Variants in MMP7 observed in about 807,000 individuals in gnomAD.
MMP7 encodes the protein matrix metallopeptidase 7.
Under a neutral mutation model 31.5 loss-of-function variants are expected in MMP7, and 26 were observed. That is an observed-to-expected ratio of 0.83 (90% confidence interval 0.61 to 1.15). MMP7 has a LOEUF of 1.15. MMP7 is among the 50% of genes most tolerant of loss of function. The pLI is 0.00. For synonymous variants in MMP7, 142 were observed against 124.2 expected (o/e 1.14, Z -0.95); for missense variants, 367 against 326.5 (o/e 1.12, Z -0.96).
At chr11:102,527,381 A>C (rs964888110) in intron 3 of MMP7, 143 bp downstream of exon 3, 15 of 1,024,056 alleles carry the variant, frequency 1.5e-5, no homozygotes, top group African/African-American at 3.3e-5. Context: ...AATTATAATA[A>C]TATTGCTAAA....
chr11:102,528,603 T>C (rs1276660884), intron 1 of MMP7, among the ~76,000 whole-genome samples: 3 of 152,212 alleles, frequency 2.0e-5, no homozygotes, highest in Non-Finnish European at 4.4e-5. Flanking sequence ...TAGGTCCTCT[T>C]TTCCCTCTTT....
chr11:102,520,524 T>G lies in MMP7; in HGVS notation c.*252A>C, dbSNP rs1314058887. ...AACTATAAATAAATTTACCATGGAA[T>G]AAACATTTTATTTATTTGTGTATGT... On this transcript the variant is annotated 3_prime_UTR_variant, in exon 6 of 6. Transcript: ENST00000260227. 2.8e-6 allele frequency: 1 copy of G among 362,734 alleles called. No individual in the cohort carries two copies. Among genetic ancestry groups the G allele is most frequent in the Non-Finnish European group, 5.0e-6 (1 of 199,632 alleles). The allele number at this position is 362,734 out of a possible 1,614,324, so 22.5% of individuals were successfully genotyped here.
intron 1 of MMP7, among the ~76,000 whole-genome samples, chr11:102,530,305 T>C (rs529460762): frequency 5.0e-4 from 76 of 152,230 alleles, no homozygotes; most frequent in Non-Finnish European, 9.3e-4. Flanking sequence ...ACCATTCTTA[T>C]CTCCAACTTC....
At chr11:102,527,327 C>T (rs1858682569) in intron 3 of MMP7, 197 bp downstream of exon 3, 1 of 644,738 alleles carries the variant, frequency 1.6e-6, no homozygotes, top group Non-Finnish European at 2.5e-6. Context: ...CATAGTTTGC[C>T]AACTGCTGCT....
At chr11:102,526,602 G>A (rs1222775954) in intron 3 of MMP7, among the ~76,000 whole-genome samples, 2 of 152,120 alleles carry the variant, frequency 1.3e-5, no homozygotes, top group Non-Finnish European at 2.9e-5. Flanking sequence ...CCACATGAAA[G>A]GCATTAGCAA....
intron 3 of MMP7, among the ~76,000 whole-genome samples, chr11:102,526,241 T>TATATATATA (rs59390667): frequency 2.5e-5 from 3 of 120,740 alleles, no homozygotes; most frequent in African/African-American, 9.5e-5. Context: ...TATATATATA[T>TATATATATA]TTTTTTTTTT....
At position 102,527,941 on chromosome 11, in the gene MMP7, T is replaced by G. The variant is rs61753777; in HGVS notation, c.151A>C (p.Asn51His). 1,999 of 1,614,062 alleles carry G rather than the reference T, an allele frequency of 1.2e-3. 25 individuals are homozygous for G. In the African/African-American group the frequency reaches 0.023, roughly 19 times the overall value. ...AGTTTGGCTTCTAAACTGTTGGCAT[T>G]TTTTGTTTCTGAGTCATAGAGATAA... ...RFYLYDSETK[N>H]ANSLEAKLKE... Residue 51 changes from asparagine (N) to histidine (H), a missense_variant, in exon 2 of 6, where the codon AAT becomes CAT. By Grantham distance (68) the Asn-to-His change is moderately conservative (BLOSUM62 1). Coordinates refer to ENST00000260227, the MANE Select transcript of MMP7 (RefSeq NM_002423.5).
rs1445890461 is a variant in MMP7 at position 102,523,252 on chromosome 11, G to T, written c.763C>A (p.Gln255Lys). The T allele has an allele frequency of 6.2e-7, 1 of 1,602,934 alleles. No individual in the cohort carries two copies. The highest frequency in any genetic ancestry group is 1.7e-5 in the Admixed American group (1 of 58,952). Residue 255 changes from glutamine (Q) to lysine (K), a missense_variant, in exon 5 of 6, where the codon CAG becomes AAG. Gln to Lys is a moderately conservative substitution (Grantham distance 53). Coordinates refer to ENST00000260227, the MANE Select transcript of MMP7 (RefSeq NM_002423.5). ...TAATAAATATTACCATATAGTTTCT[G>T]AATGCCTTTAATATCATCCTGGGAA... ...KLSQDDIKGIQKLYGKRSNSR... is the reference protein window; with the variant it reads ...KLSQDDIKGIKKLYGKRSNSR...
At chr11:102,526,440 T>C (rs754368565) in intron 3 of MMP7, among the ~76,000 whole-genome samples, 1 of 152,062 alleles carries the variant, frequency 6.6e-6, no homozygotes, top group South Asian at 2.1e-4. Context: ...TTTCACCCTA[T>C]TGGCCAGGCT....
intron 3 of MMP7, 162 bp downstream of exon 3, chr11:102,527,362 G>A (rs1250268408): frequency 1.1e-6 from 1 of 922,392 alleles, no homozygotes; most frequent in African/African-American, 1.7e-5. Context: ...TATATTACCA[G>A]ATTATAAAAA....
At position 102,523,267 on chromosome 11, in the gene MMP7, C is replaced by A. The variant is rs753277098; in HGVS notation, c.748G>T (p.Asp250Tyr). ...TATAGTTTCTGAATGCCTTTAATATCATCCTGGGAAAGTTTAAAATTTTGG... is the reference window on the plus strand; with the variant it reads ...TATAGTTTCTGAATGCCTTTAATATAATCCTGGGAAAGTTTAAAATTTTGG... ...DPQNFKLSQD[D>Y]IKGIQKLYGK... is the part of the protein sequence containing the mutation. The change falls in exon 5 of 6, where the codon GAT (aspartate) becomes TAT (tyrosine). Residue 250 changes from aspartate (D) to tyrosine (Y), a missense_variant. Coordinates refer to ENST00000260227, the MANE Select transcript of MMP7 (RefSeq NM_002423.5). 6.2e-7 allele frequency: 1 copy of A among 1,609,406 alleles called. No individual in the cohort carries two copies. Among genetic ancestry groups the A allele is most frequent in the South Asian group, 1.1e-5 (1 of 90,512 alleles).
intron 3 of MMP7, chr11:102,526,911 C>T (rs1858678620): frequency 6.5e-6 from 1 of 152,736 alleles, no homozygotes; most frequent in Admixed American, 6.5e-5. Context: ...CAGTTGCCTA[C>T]CGTATTCAGT....
chr11:102,527,721 A>G, intron 2 of MMP7, 36 bp downstream of exon 2: 2 of 1,613,666 alleles, frequency 1.2e-6, no homozygotes, highest in Non-Finnish European at 8.5e-7. Context: ...AACAGGCTTT[A>G]TTGTTTTTGC....
At chr11:102,527,448 A>G (rs774944159) in intron 3 of MMP7, 76 bp downstream of exon 3, 16 of 1,546,944 alleles carry the variant, frequency 1.0e-5, no homozygotes, top group African/African-American at 1.4e-5. Flanking sequence ...TTTAATCTTC[A>G]TAAGAAAAGA....
chr11:102,528,829 CA>C (rs1170646185), intron 1 of MMP7, among the ~76,000 whole-genome samples: 1 of 152,192 alleles, frequency 6.6e-6, no homozygotes, highest in Non-Finnish European at 1.5e-5. Flanking sequence ...ACAACAATAG[CA>C]ACCTCACAGG....
intron 1 of MMP7, 36 bp from the exon 2 acceptor site, chr11:102,528,019 T>C (rs1242036436): frequency 6.9e-7 from 1 of 1,455,366 alleles, no homozygotes; most frequent in Non-Finnish European, 9.5e-7. Flanking sequence ...ATAGTTCTTG[T>C]TTATTATATT....
chr11:102,522,331 G>A (rs1858622552), intron 5 of MMP7, among the ~76,000 whole-genome samples: 1 of 152,204 alleles, frequency 6.6e-6, no homozygotes, highest in African/African-American at 2.4e-5. Context: ...AGAATCTTAA[G>A]TGATCTTTTT....
chr11:102,525,187 G>T lies in MMP7; in HGVS notation c.485-123C>A, dbSNP rs1297528022. The T allele has an allele frequency of 9.7e-6, 12 of 1,236,212 alleles. No individual in the cohort carries two copies. The Admixed American group carries it at 3.2e-4, about 33-fold the overall frequency. 76.6% of individuals were successfully genotyped at this position (1,236,212 alleles called of 1,614,324 possible). A position where few individuals can be genotyped will look rare whatever the true frequency, so the allele number is the denominator to read the frequency against. ...AGCCCAGTCCAGGCCAGGCATGGTGGCTCACTTTGCGAGGCCGAGGTGGGC... is the reference window on the plus strand; with the variant it reads ...AGCCCAGTCCAGGCCAGGCATGGTGTCTCACTTTGCGAGGCCGAGGTGGGC... On this transcript the variant is annotated intron_variant, in intron 3 of 5. Coordinates refer to ENST00000260227, the MANE Select transcript of MMP7 (RefSeq NM_002423.5).
chr11:102,522,152 A>C (rs1332975036), intron 5 of MMP7, among the ~76,000 whole-genome samples: 2 of 152,228 alleles, frequency 1.3e-5, no homozygotes, highest in African/African-American at 4.8e-5. Context: ...TTTTCTGGGA[A>C]TCACCCTGTA....
Sources: gnomAD v4.1 joint callset for allele counts (sites outside exome capture counted in the v4.1 genomes callset) on GRCh38, gnomAD v4.1.1 for gene constraint, MANE v1.5 for transcripts, NCBI Gene and HGNC (gene_info 2026-07-23, HGNC 2026-07-21) for gene names.